Variants in HDHD5 observed in about 807,000 individuals in gnomAD.
HDHD5 encodes the protein haloacid dehalogenase-like hydrolase domain-containing 5.
A neutral mutation model predicts 35.5 loss-of-function variants in HDHD5; 34 were observed. That is an observed-to-expected ratio of 0.96 (90% CI 0.73 to 1.28). The LOEUF is 1.28. Ranked by LOEUF, HDHD5 falls within the 50% of genes most tolerant of loss-of-function variation. The pLI, the probability that HDHD5 is intolerant of heterozygous loss-of-function variation, is 0.00. For missense variants in HDHD5, 589 were observed against 560.2 expected (o/e 1.05, Z -0.52); for synonymous variants, 248 against 240.6 (o/e 1.03, Z -0.29).
chr22:17,144,633 G>T lies in HDHD5; in HGVS notation c.537+391C>A, dbSNP rs549163616. On this transcript the variant is annotated intron_variant, in intron 4 of 7. Transcript: ENST00000336737. ...TTCACCATGTTGGCCAGGCTGGTCT[G>T]GAACTCCTGACCTCAGGTGATCCAC... Among the ~76,000 whole-genome samples, 9 of 151,878 alleles carry T rather than the reference G, an allele frequency of 5.9e-5. No individual in the cohort carries two copies. In the South Asian group the frequency reaches 6.2e-4, roughly 11 times the overall value.
chr22:17,148,094 G>A (rs1037246994), intron 3 of HDHD5, among the ~76,000 whole-genome samples: 16 of 152,136 alleles, frequency 1.1e-4, no homozygotes, highest in African/African-American at 3.9e-4. Flanking sequence ...CTAGAGCAGG[G>A]GTTCCCAAAC....
chr22:17,142,932 A>G, intron 5 of HDHD5, 166 bp downstream of exon 5: 1 of 633,780 alleles, frequency 1.6e-6, no homozygotes, highest in Non-Finnish European at 2.7e-6. Context: ...GACTAACAAC[A>G]GTCTCAGAGG....
upstream of HDHD5, among the ~76,000 whole-genome samples, chr22:17,160,981 G>C (rs1169444027): frequency 6.6e-6 from 1 of 152,036 alleles, no homozygotes; most frequent in Non-Finnish European, 1.5e-5. Context: ...ATAGCCAGGC[G>C]CGGTGGCTCA....
At chr22:17,164,750 T>G (rs189333224) in intron 1 of HDHD5, among the ~76,000 whole-genome samples, 17 of 152,358 alleles carry the variant, frequency 1.1e-4, no homozygotes, top group Non-Finnish European at 1.9e-4. Context: ...AAATATAGCC[T>G]TATGACTGGC....
intron 4 of HDHD5, 88 bp downstream of exon 4, chr22:17,144,936 G>C (rs1259849048): frequency 6.8e-7 from 1 of 1,480,604 alleles, no homozygotes; most frequent in Non-Finnish European, 9.3e-7. Flanking sequence ...AGCTCTGCAG[G>C]AGGGCTTGCA....
intron 1 of HDHD5, among the ~76,000 whole-genome samples, chr22:17,155,472 C>G (rs1356580872): frequency 6.6e-6 from 1 of 152,086 alleles, no homozygotes; most frequent in Non-Finnish European, 1.5e-5. Flanking sequence ...GTCTCAAACT[C>G]CTGACCTCGT....
intron 1 of HDHD5, among the ~76,000 whole-genome samples, chr22:17,153,432 C>T (rs761161262): frequency 6.6e-6 from 1 of 152,154 alleles, no homozygotes; most frequent in African/African-American, 2.4e-5. Context: ...CTTCCCCCAC[C>T]TCCTGCCAGC....
upstream of HDHD5, chr22:17,159,635 G>A (rs568453766): frequency 1.0e-5 from 4 of 388,314 alleles, no homozygotes; most frequent in Non-Finnish European, 2.0e-5. Flanking sequence ...TGACTTCAGG[G>A]CCGGGCCGCT....
chr22:17,156,477 T>C (rs541125723), intron 1 of HDHD5, among the ~76,000 whole-genome samples: 1 of 151,758 alleles, frequency 6.6e-6, no homozygotes. Flanking sequence ...CCGGGCGTGG[T>C]GGTGCACACC....
At chr22:17,149,278 T>C (rs180812313) in intron 2 of HDHD5, among the ~76,000 whole-genome samples, 1 of 152,328 alleles carries the variant, frequency 6.6e-6, no homozygotes, top group Admixed American at 6.5e-5. Flanking sequence ...CACCTGCTAT[T>C]CCTGCTATGC....
intron 2 of HDHD5, among the ~76,000 whole-genome samples, chr22:17,148,782 A>G (rs577960903): frequency 5.3e-5 from 8 of 152,258 alleles, no homozygotes; most frequent in African/African-American, 1.7e-4. Context: ...AAGAGACCAG[A>G]AATGCCACAG....
At chr22:17,159,286 GCCCC>G (rs746678755), upstream of HDHD5, 42 of 1,039,812 alleles carry the variant, frequency 4.0e-5, no homozygotes, top group Non-Finnish European at 4.9e-5. Context: ...ACGGCGTGCG[GCCCC>G]CCCCCCCCGC....
chr22:17,149,541 C>G lies in HDHD5; in HGVS notation c.330+1G>C. On this transcript the variant is annotated splice_donor_variant, in intron 2 of 7. Transcript: ENST00000336737. LOFTEE classifies it high-confidence loss of function. ...TTCCATGCCTCTGGCTGCCTTCTCA[C>G]CTCGCACCCCAGCAGGGCTGACAGC... 1 of 1,610,956 alleles carries G rather than the reference C, an allele frequency of 6.2e-7. No individual in the cohort carries two copies. Among genetic ancestry groups the G allele is most frequent in the Non-Finnish European group, 8.5e-7 (1 of 1,179,038 alleles).
intron 1 of HDHD5, among the ~76,000 whole-genome samples, chr22:17,151,053 CAG>C (rs1314841557): frequency 2.0e-5 from 3 of 152,108 alleles, no homozygotes; most frequent in Non-Finnish European, 4.4e-5. Context: ...AGTAATAAAT[CAG>C]AGAGAGCAAA....
At chr22:17,159,402 G>C (rs567135617), upstream of HDHD5, 1,258 of 865,696 alleles carry the variant, frequency 1.5e-3, 7 homozygotes, top group African/African-American at 0.019. Context: ...TATGGAACTC[G>C]ACCCGCAGGC....
intron 1 of HDHD5, among the ~76,000 whole-genome samples, chr22:17,155,359 C>T (rs1486008056): frequency 6.6e-6 from 1 of 151,844 alleles, no homozygotes; most frequent in Non-Finnish European, 1.5e-5. Context: ...GATTCTCCTG[C>T]CTCAGCCTCC....
intron 3 of HDHD5, among the ~76,000 whole-genome samples, chr22:17,145,714 C>A (rs2061655136): frequency 6.6e-6 from 1 of 152,036 alleles, no homozygotes; most frequent in African/African-American, 2.4e-5. Context: ...AAAACTCTGT[C>A]CCCAAGGAGC....
At chr22:17,143,230 C>G (rs1193277841) in intron 4 of HDHD5, 99 bp from the exon 5 acceptor site, 1 of 1,315,454 alleles carries the variant, frequency 7.6e-7, no homozygotes, top group Non-Finnish European at 1.1e-6. Flanking sequence ...AGGGGAGACA[C>G]ACTCCACAGA....
At position 17,157,271 on chromosome 22, in the gene HDHD5, C is replaced by CTTTTTTTT. The variant is rs372356199; in HGVS notation, c.126+1847_126+1854dup. On this transcript the variant is annotated intron_variant, in intron 1 of 7. Coordinates refer to ENST00000336737, the MANE Select transcript of HDHD5 (RefSeq NM_033070.3). ...AGAAAGTTAAACTAAGGTTAATTTTCTTTTTTTTTTTTTTTGATAAGAGTC... is the reference window on the plus strand; with the variant it reads ...AGAAAGTTAAACTAAGGTTAATTTTCTTTTTTTTTTTTTTTTTTTTTTTGATAAGAGTC... Among the ~76,000 whole-genome samples the CTTTTTTTT allele has an allele frequency of 5.9e-5, 8 of 136,702 alleles. No individual in the cohort carries two copies. The East Asian group carries it at 1.3e-3, about 22-fold the overall frequency. The allele number at this position is 136,702 out of a possible 152,430, so 89.7% of individuals were successfully genotyped here. A position where few individuals can be genotyped will look rare whatever the true frequency, so the allele number is the denominator to read the frequency against.
Sources: gnomAD v4.1 joint callset for allele counts (sites outside exome capture counted in the v4.1 genomes callset) on GRCh38, gnomAD v4.1.1 for gene constraint, MANE v1.5 for transcripts, NCBI Gene and HGNC (gene_info 2026-07-23, HGNC 2026-07-21) for gene names.